PDE4D: variants seen among roughly 807,000 people sequenced by gnomAD.
PDE4D encodes phosphodiesterase 4D.
PDE4D carries 24 observed loss-of-function variants against 87.4 expected under a neutral mutation model. The observed-to-expected ratio is 0.27, with a 90% CI of 0.20 to 0.39. PDE4D has a LOEUF of 0.39. Among genes scored for constraint, PDE4D ranks in the 10% least tolerant of loss-of-function variants. PDE4D has a pLI of 1.00. For missense variants in PDE4D, 714 were observed against 1,041.0 expected (o/e 0.69, Z 4.32); for synonymous variants, 384 against 383.2 (o/e 1.00, Z -0.02).
intron 1 of PDE4D, among the ~76,000 whole-genome samples, chr5:59,230,384 C>T (rs541733430): frequency 1.3e-5 from 2 of 152,198 alleles, no homozygotes; most frequent in African/African-American, 4.8e-5. Context: ...CAAGATATTA[C>T]AATTTTCTTT....
chr5:59,157,161 A>C, intron 5 of PDE4D: 1 of 574,874 alleles, frequency 1.7e-6, no homozygotes, highest in East Asian at 2.8e-5. Flanking sequence ...TTGCTTCACA[A>C]TTTTTTTTTC....
At chr5:58,999,419 G>A in intron 6 of PDE4D, 1 of 756,718 alleles carries the variant, frequency 1.3e-6, no homozygotes, top group Non-Finnish European at 2.2e-6. Flanking sequence ...ACAAATTACA[G>A]TAGAGTCTAA....
At chr5:59,898,190 C>G (rs369904646), upstream of PDE4D, among the ~76,000 whole-genome samples, 1 of 152,152 alleles carries the variant, frequency 6.6e-6, no homozygotes, top group East Asian at 1.9e-4. Flanking sequence ...CACTAATTTC[C>G]AACTAGTTGG....
intron 1 of PDE4D, chr5:59,275,235 C>G (rs1426870437): frequency 2.2e-6 from 2 of 912,076 alleles, no homozygotes; most frequent in Non-Finnish European, 3.4e-6. Context: ...CCAATACTGC[C>G]TTCTTTCACA....
intron 5 of PDE4D, chr5:59,157,283 AG>A: frequency 2.8e-6 from 2 of 702,104 alleles, no homozygotes; most frequent in Non-Finnish European, 5.2e-6. Context: ...GTAGTTTTCA[AG>A]GTCAGCCAAA....
In PDE4D at chr5:60,129,099, C is replaced by T. The variant is rs558948361; in HGVS notation, c.42+56458G>A. Among the ~76,000 whole-genome samples the T allele has an allele frequency of 4.6e-5, 7 of 152,322 alleles. No individual in the cohort carries two copies. The South Asian group carries it at 1.0e-3, about 23-fold the overall frequency. On this transcript the variant is annotated intron_variant, in intron 2 of 16. Coordinates refer to the PDE4D transcript ENST00000502484. ...TAGTAATTAAGCAAAATGTAGTTCT[C>T]TCAAATTGAAACAGAAAACTCCAGA... is the stretch of plus-strand genomic sequence containing the variant.
chr5:59,233,678 A>G (rs115567383), intron 1 of PDE4D, among the ~76,000 whole-genome samples: 1 of 152,258 alleles, frequency 6.6e-6, no homozygotes, highest in African/African-American at 2.4e-5. Context: ...CTCTCCTCAA[A>G]TTTGAGCCCT....
chr5:59,312,378 T>A (rs886160384), intron 1 of PDE4D, among the ~76,000 whole-genome samples: 1 of 152,128 alleles, frequency 6.6e-6, no homozygotes, highest in African/African-American at 2.4e-5. Flanking sequence ...AAATGCCAAC[T>A]ACCCTGGAGG....
At chr5:59,948,687 C>T (rs1757954963) in intron 3 of PDE4D, among the ~76,000 whole-genome samples, 1 of 152,208 alleles carries the variant, frequency 6.6e-6, no homozygotes, top group Admixed American at 6.5e-5. Flanking sequence ...ACTCACAATG[C>T]TTTTAACCTT....
chr5:59,550,143 C>T (rs1817875116), intron 1 of PDE4D, among the ~76,000 whole-genome samples: 1 of 151,812 alleles, frequency 6.6e-6, no homozygotes, highest in Non-Finnish European at 1.5e-5. Flanking sequence ...AATGGGCTCT[C>T]ATTTTATGTA....
intron 1 of PDE4D, among the ~76,000 whole-genome samples, chr5:59,688,608 G>A (rs1450873321): frequency 6.6e-6 from 1 of 152,164 alleles, no homozygotes; most frequent in Non-Finnish European, 1.5e-5. Context: ...ATTCCCACAA[G>A]AGAAAGCAGG....
chr5:60,016,953 C>G (rs1486462618), intron 2 of PDE4D, among the ~76,000 whole-genome samples: 1 of 152,194 alleles, frequency 6.6e-6, no homozygotes, highest in Non-Finnish European at 1.5e-5. Flanking sequence ...TTAGAGAAAT[C>G]ACTATCTATA....
intron 1 of PDE4D, among the ~76,000 whole-genome samples, chr5:59,644,035 C>A (rs1325493624): frequency 6.6e-6 from 1 of 152,128 alleles, no homozygotes; most frequent in Non-Finnish European, 1.5e-5. Context: ...GAATTTAGAA[C>A]AAGCCTTGGT....
At chr5:60,207,402 A>C (rs1445490820) in intron 1 of PDE4D, among the ~76,000 whole-genome samples, 1 of 152,194 alleles carries the variant, frequency 6.6e-6, no homozygotes, top group Non-Finnish European at 1.5e-5. Context: ...ATGGCATGGC[A>C]GGGCCCTACT....
chr5:59,916,738 A>G (rs976793164), intron 3 of PDE4D, among the ~76,000 whole-genome samples: 2 of 152,090 alleles, frequency 1.3e-5, no homozygotes, highest in African/African-American at 4.8e-5. Context: ...GAGTCACAGC[A>G]TACATTGGGA....
chr5:59,519,881 G>C (rs910674032), intron 1 of PDE4D, among the ~76,000 whole-genome samples: 1 of 150,082 alleles, frequency 6.7e-6, no homozygotes, highest in African/African-American at 2.5e-5. Flanking sequence ...TGGATTTGTT[G>C]GGCAAAGTGT....
intron 1 of PDE4D, among the ~76,000 whole-genome samples, chr5:60,286,580 C>G (rs1411880821): frequency 6.6e-6 from 1 of 152,148 alleles, no homozygotes; most frequent in Non-Finnish European, 1.5e-5. Flanking sequence ...GAAACTCCAG[C>G]CCATTACACC....
At chr5:59,282,283 A>G (rs933470831) in intron 1 of PDE4D, among the ~76,000 whole-genome samples, 8 of 152,144 alleles carry the variant, frequency 5.3e-5, no homozygotes, top group Admixed American at 2.6e-4. Flanking sequence ...AAACAACTGG[A>G]AAGACCACAT....
chr5:59,078,385 G>T (rs1211897948), intron 5 of PDE4D, among the ~76,000 whole-genome samples: 1 of 151,898 alleles, frequency 6.6e-6, no homozygotes, highest in African/African-American at 2.4e-5. Context: ...AATTCTAAAT[G>T]TTCATATATA....
Sources: gnomAD v4.1 joint callset for allele counts (sites outside exome capture counted in the v4.1 genomes callset) on GRCh38, gnomAD v4.1.1 for gene constraint, MANE v1.5 for transcripts, NCBI Gene and HGNC (gene_info 2026-07-23, HGNC 2026-07-21) for gene names.